The following CNTNAP2 variants were observed in gnomAD, a reference collection of about 807,000 sequenced individuals.
CNTNAP2 encodes the protein contactin associated protein 2, also known as contactin-associated protein-like 2.
Under a neutral mutation model 155.2 loss-of-function variants are expected in CNTNAP2, and 98 were observed. The observed-to-expected ratio is 0.63, with a 90% CI of 0.54 to 0.75. The LOEUF (loss-of-function observed/expected upper bound fraction) is 0.75. CNTNAP2 is among the 30% of genes least tolerant of loss of function. CNTNAP2 has a pLI of 0.00. For synonymous variants in CNTNAP2, 651 were observed against 631.2 expected, an observed-to-expected ratio of 1.03 and a Z score of -0.47; for missense variants, 1,727 against 1,688.1, an observed-to-expected ratio of 1.02 and a Z score of -0.40.
At chr7:148,369,717 G>A (rs755885222) in intron 21 of CNTNAP2, among the ~76,000 whole-genome samples, 33 of 150,262 alleles carry the variant, frequency 2.2e-4, no homozygotes, top group Admixed American at 3.3e-4. Context: ...AAACATTCAC[G>A]TCTCAGAAAT....
chr7:146,821,208 T>A (rs1314851846), intron 2 of CNTNAP2, among the ~76,000 whole-genome samples: 1 of 152,192 alleles, frequency 6.6e-6, no homozygotes, highest in Non-Finnish European at 1.5e-5. Context: ...CCTGTCATTA[T>A]GATGTTAGCT....
chr7:146,485,525 A>C (rs1232026043), intron 1 of CNTNAP2, among the ~76,000 whole-genome samples: 2 of 152,202 alleles, frequency 1.3e-5, no homozygotes, highest in African/African-American at 4.8e-5. Context: ...TTCTGAACAC[A>C]TGCTCTTTCC....
At chr7:148,128,244 A>G (rs184285806) in intron 16 of CNTNAP2, among the ~76,000 whole-genome samples, 1 of 152,172 alleles carries the variant, frequency 6.6e-6, no homozygotes, top group South Asian at 2.1e-4. Flanking sequence ...TAGTGTTTCT[A>G]CTACTTTGCA....
chr7:147,565,943 G>C (rs1191137477), intron 12 of CNTNAP2, among the ~76,000 whole-genome samples: 2 of 151,758 alleles, frequency 1.3e-5, no homozygotes, highest in African/African-American at 4.8e-5. Flanking sequence ...ATATCATTTG[G>C]GGGTTGATGT....
At chr7:146,874,801 C>T (rs1795387127) in intron 3 of CNTNAP2, among the ~76,000 whole-genome samples, 1 of 152,196 alleles carries the variant, frequency 6.6e-6, no homozygotes, top group African/African-American at 2.4e-5. Flanking sequence ...GCTTCTGTGG[C>T]ATTATCACCT....
intron 8 of CNTNAP2, among the ~76,000 whole-genome samples, chr7:147,167,193 G>C (rs1234270366): frequency 1.3e-5 from 2 of 152,036 alleles, no homozygotes; most frequent in African/African-American, 4.8e-5. Context: ...TCACATGCAA[G>C]GATCTTCATG....
chr7:146,757,764 T>G (rs1317883469), intron 1 of CNTNAP2, among the ~76,000 whole-genome samples: 5 of 152,178 alleles, frequency 3.3e-5, no homozygotes, highest in Admixed American at 3.3e-4. Flanking sequence ...TTCATTATTA[T>G]GGTCATGAAT....
At chr7:148,371,660 G>C (rs988361728) in intron 21 of CNTNAP2, among the ~76,000 whole-genome samples, 7 of 152,070 alleles carry the variant, frequency 4.6e-5, no homozygotes, top group African/African-American at 1.2e-4. Flanking sequence ...ATGCATCACT[G>C]AACGACAGGG....
At chr7:146,246,925 G>A (rs1343373776) in intron 1 of CNTNAP2, among the ~76,000 whole-genome samples, 2 of 152,192 alleles carry the variant, frequency 1.3e-5, no homozygotes, top group African/African-American at 2.4e-5. Context: ...TGCTGGAGAT[G>A]TGGCTGGGGT....
intron 13 of CNTNAP2, among the ~76,000 whole-genome samples, chr7:147,827,659 G>A (rs886927553): frequency 3.3e-5 from 5 of 152,044 alleles, no homozygotes; most frequent in East Asian, 1.9e-4. Flanking sequence ...TTGAACTTGC[G>A]GAATCTTAGA....
At chr7:146,591,546 A>G (rs1053378369) in intron 1 of CNTNAP2, among the ~76,000 whole-genome samples, 2 of 152,236 alleles carry the variant, frequency 1.3e-5, no homozygotes, top group African/African-American at 4.8e-5. Flanking sequence ...TATGAGTGTC[A>G]ATGAGGAGAC....
intron 15 of CNTNAP2, among the ~76,000 whole-genome samples, chr7:148,047,541 TA>T (rs758994043): frequency 2.0e-5 from 3 of 150,042 alleles, no homozygotes; most frequent in Non-Finnish European, 3.0e-5. Flanking sequence ...ATATCACCAA[TA>T]AAAAAAAAGC....
intron 1 of CNTNAP2, among the ~76,000 whole-genome samples, chr7:146,661,804 T>C (rs1191551585): frequency 6.6e-6 from 1 of 152,038 alleles, no homozygotes; most frequent in Non-Finnish European, 1.5e-5. Context: ...GTATTCATTA[T>C]TGTTGGGTAA....
At chr7:146,593,769 T>C (rs1289217286) in intron 1 of CNTNAP2, among the ~76,000 whole-genome samples, 2 of 152,216 alleles carry the variant, frequency 1.3e-5, no homozygotes, top group African/African-American at 4.8e-5. Context: ...AAAAAAGGTT[T>C]TCTTCTTGAC....
rs1802359322 is a variant in CNTNAP2, at chr7:148,025,504, A to G, written c.2383+47515A>G. On this transcript the variant is annotated intron_variant, in intron 15 of 23. Transcript: ENST00000361727. ...CATCCTTCTCTTGGCTGGCCCTGCA[A>G]TAATTAAGTTCTTTCTTTGCTGCAA... Among the ~76,000 whole-genome samples the G allele has an allele frequency of 2.0e-5, 3 of 152,150 alleles. No homozygotes were observed. In the South Asian group the frequency reaches 6.2e-4, roughly 31 times the overall value.
intron 4 of CNTNAP2, among the ~76,000 whole-genome samples, chr7:147,084,776 G>T (rs1385197238): frequency 6.8e-6 from 1 of 146,664 alleles, no homozygotes; most frequent in African/African-American, 2.5e-5. Context: ...TATATAATAT[G>T]TAACATGATG....
At chr7:147,370,593 G>T (rs932797140) in intron 9 of CNTNAP2, among the ~76,000 whole-genome samples, 2 of 152,258 alleles carry the variant, frequency 1.3e-5, no homozygotes, top group African/African-American at 4.8e-5. Context: ...AGAACTGGTT[G>T]ACCAGCACAC....
At chr7:146,680,435 T>C (rs1489880923) in intron 1 of CNTNAP2, among the ~76,000 whole-genome samples, 1 of 152,212 alleles carries the variant, frequency 6.6e-6, no homozygotes, top group Non-Finnish European at 1.5e-5. Context: ...GGGAGTGTTG[T>C]ATTATAGTAT....
At chr7:147,191,264 A>G (rs779667950) in intron 8 of CNTNAP2, among the ~76,000 whole-genome samples, 1 of 152,144 alleles carries the variant, frequency 6.6e-6, no homozygotes, top group Admixed American at 6.6e-5. Flanking sequence ...AATATAGTAT[A>G]TTTTCACAGG....
Sources: allele counts gnomAD v4.1 joint callset (sites outside exome capture counted in the v4.1 genomes callset), GRCh38; gene constraint gnomAD v4.1.1; transcripts MANE v1.5; gene names NCBI Gene and HGNC (gene_info 2026-07-23, HGNC 2026-07-21).